Variants in RAB21 observed in about 807,000 individuals in gnomAD.
The protein encoded by RAB21 is ras-related protein Rab-21.
RAB21 carries 13 observed loss-of-function variants against 33.1 expected under a neutral mutation model. That is an observed-to-expected ratio of 0.39 (90% confidence interval 0.26 to 0.62). RAB21 has a LOEUF of 0.62. Among genes scored for constraint, RAB21 ranks in the 20% least tolerant of loss-of-function variants. The pLI is 0.48. For synonymous variants in RAB21, 91 were observed against 103.7 expected (o/e 0.88, Z 0.74); for missense variants, 234 against 279.1 (o/e 0.84, Z 1.15).
At chr12:71,771,621 CTGTT>C (rs1883043175) in intron 3 of RAB21, among the ~76,000 whole-genome samples, 1 of 152,114 alleles carries the variant, frequency 6.6e-6, no homozygotes, top group Admixed American at 6.6e-5. Context: ...TTTGGTGCTG[CTGTT>C]TGTTATCTCC....
In RAB21 at chr12:71,794,879, G is replaced by T. The variant is rs1883446724; in HGVS notation, c.*9206G>T. On this transcript the variant is annotated 3_prime_UTR_variant, in exon 7 of 7. Transcript: ENST00000261263. ...TTGAACCCAGGAGACGGAGGTTGCA[G>T]TGAGCAGACCTGGTGCCACTGGACT... 1 of 151,132 alleles carries T rather than the reference G, an allele frequency of 6.6e-6. No individual in the cohort carries two copies. Among genetic ancestry groups the T allele is most frequent in the African/African-American group, 2.4e-5 (1 of 41,180 alleles). The allele number at this position is 151,132 out of a possible 1,614,324, so 9.4% of individuals were successfully genotyped here.
At chr12:71,783,143 A>G (rs1592650438) in intron 6 of RAB21, among the ~76,000 whole-genome samples, 2 of 152,100 alleles carry the variant, frequency 1.3e-5, no homozygotes, top group African/African-American at 4.8e-5. Context: ...TTAAAGACAC[A>G]TTAAAATAAT....
intron 1 of RAB21, among the ~76,000 whole-genome samples, chr12:71,765,034 A>C (rs1882938706): frequency 6.6e-6 from 1 of 152,200 alleles, no homozygotes; most frequent in Non-Finnish European, 1.5e-5. Context: ...AGTAATCTCC[A>C]TACTGTTTTC....
In RAB21 at chr12:71,785,521, T is replaced by C. The variant is rs1423303179; in HGVS notation, c.536-10T>C. On this transcript the variant is annotated splice_polypyrimidine_tract_variant and intron_variant, in intron 6 of 6. Coordinates refer to ENST00000261263, the MANE Select transcript of RAB21 (RefSeq NM_014999.4). Reference sequence around the variant, plus strand: ...TGGTCCTAATAATGTTTGCTTTCTCTCTGTCTTAGGGATGATAGAAACAGC... The same window carrying C: ...TGGTCCTAATAATGTTTGCTTTCTCCCTGTCTTAGGGATGATAGAAACAGC... 1.2e-6 allele frequency: 2 copies of C among 1,613,332 alleles called. No individual in the cohort carries two copies. Among genetic ancestry groups the C allele is most frequent in the Non-Finnish European group, 1.7e-6 (2 of 1,179,590 alleles).
Position 71,791,904 on chromosome 12 carries a change from G to C in RAB21, c.*6231G>C, listed in dbSNP as rs75324784. 6.6e-6 allele frequency: 1 copy of C among 151,970 alleles called. No individual in the cohort carries two copies. The highest frequency in any genetic ancestry group is 1.5e-5 in the Non-Finnish European group (1 of 68,004). 9.4% of individuals were successfully genotyped at this position (151,970 alleles called of 1,614,324 possible). ...TTTTGAGACAGGGTCTTGCTTTGCC[G>C]CACAGACTAGAATGCAGTAGCATGA... On this transcript the variant is annotated 3_prime_UTR_variant, in exon 7 of 7. Coordinates refer to ENST00000261263, the MANE Select transcript of RAB21 (RefSeq NM_014999.4).
chr12:71,777,798 G>A lies in RAB21; in HGVS notation c.391+3776G>A, dbSNP rs531643207. ...CTCCTAGGTTTATTTTATTGTGTCA[G>A]TATGTCTCCCACACTTGGAAATAAA... is the stretch of plus-strand genomic sequence containing the variant. On this transcript the variant is annotated intron_variant, in intron 4 of 6. Transcript: ENST00000261263. Among the ~76,000 whole-genome samples, 6 of 152,178 alleles carry A rather than the reference G, an allele frequency of 3.9e-5. No individual in the cohort carries two copies. The South Asian group carries it at 8.3e-4, about 21-fold the overall frequency.
At position 71,788,637 on chromosome 12, in the gene RAB21, C is replaced by T. The variant is rs1429416194; in HGVS notation, c.*2964C>T. On this transcript the variant is annotated 3_prime_UTR_variant, in exon 7 of 7. Transcript: ENST00000261263. ...ATTAGGCAGAAGACACAAGTTACCACGTTGTGTATTAAAAGCAGTAGGTAG... is the reference window on the plus strand; with the variant it reads ...ATTAGGCAGAAGACACAAGTTACCATGTTGTGTATTAAAAGCAGTAGGTAG... 6.6e-6 allele frequency: 1 copy of T among 152,066 alleles called. No individual in the cohort carries two copies. The highest frequency in any genetic ancestry group is 2.4e-5 in the African/African-American group (1 of 41,414). The allele number at this position is 152,066 out of a possible 1,614,324, so 9.4% of individuals were successfully genotyped here.
chr12:71,793,931 G>A lies in RAB21; in HGVS notation c.*8258G>A, dbSNP rs1167622603. 1 of 152,254 alleles carries A rather than the reference G, an allele frequency of 6.6e-6. No homozygotes were observed. Among genetic ancestry groups the A allele is most frequent in the Non-Finnish European group, 1.5e-5 (1 of 68,090 alleles). 9.4% of individuals were successfully genotyped at this position (152,254 alleles called of 1,614,324 possible). A position where few individuals can be genotyped will look rare whatever the true frequency, so the allele number is the denominator to read the frequency against. On this transcript the variant is annotated 3_prime_UTR_variant, in exon 7 of 7. Transcript: ENST00000261263. ...CCCTTTCCAATCAAAAGTGTTAAAAGCTGGCTGGGAGCCATGGCTCATGCC... is the reference window on the plus strand; with the variant it reads ...CCCTTTCCAATCAAAAGTGTTAAAAACTGGCTGGGAGCCATGGCTCATGCC...
In RAB21 at chr12:71,790,746, A is replaced by G. The variant is rs1565899185; in HGVS notation, c.*5073A>G. 6.6e-6 allele frequency: 1 copy of G among 152,106 alleles called. No individual in the cohort carries two copies. Among genetic ancestry groups the G allele is most frequent in the Non-Finnish European group, 1.5e-5 (1 of 68,012 alleles). 9.4% of individuals were successfully genotyped at this position (152,106 alleles called of 1,614,324 possible). On this transcript the variant is annotated 3_prime_UTR_variant, in exon 7 of 7. Coordinates refer to ENST00000261263, the MANE Select transcript of RAB21 (RefSeq NM_014999.4). Reference sequence around the variant, plus strand: ...TTGTGGGTTTTAAATTTTCACATAAATTGTGTCTTACCCATGTGTTTTGCC... The same window carrying G: ...TTGTGGGTTTTAAATTTTCACATAAGTTGTGTCTTACCCATGTGTTTTGCC...
intron 1 of RAB21, among the ~76,000 whole-genome samples, chr12:71,768,174 G>A (rs1882988930): frequency 6.6e-6 from 1 of 152,060 alleles, no homozygotes; most frequent in Non-Finnish European, 1.5e-5. Context: ...AGACATACAT[G>A]GGTTTGAACC....
rs186691572 is a variant in RAB21, at chr12:71,779,924, T to C, written c.392-2107T>C. Among the ~76,000 whole-genome samples, 40 of 152,282 alleles carry C rather than the reference T, an allele frequency of 2.6e-4. No homozygotes were observed. In the East Asian group the frequency reaches 7.5e-3, roughly 29 times the overall value. On this transcript the variant is annotated intron_variant, in intron 4 of 6. Transcript: ENST00000261263. The stretch of plus-strand genomic sequence containing the variant: ...CTTGCTTTTGAAAAAATATAGAAAC[T>C]AAAAGGGTTTTTGAGCTTTGGAAAG...
At chr12:71,777,361 T>G (rs983414050) in intron 4 of RAB21, among the ~76,000 whole-genome samples, 6 of 152,242 alleles carry the variant, frequency 3.9e-5, no homozygotes, top group Non-Finnish European at 7.3e-5. Context: ...TTCCTTTATG[T>G]TGTATATAGT....
At position 71,788,688 on chromosome 12, in the gene RAB21, T is replaced by G. The variant is rs1431435233; in HGVS notation, c.*3015T>G. On this transcript the variant is annotated 3_prime_UTR_variant, in exon 7 of 7. Transcript: ENST00000261263. The stretch of plus-strand genomic sequence containing the variant: ...GTTGTGCCAGTATTTTTTCAGCCAG[T>G]AAGCATATACAGTTAACTTATATAA... 6.6e-6 allele frequency: 1 copy of G among 152,196 alleles called. No homozygotes were observed. The highest frequency in any genetic ancestry group is 1.5e-5 in the Non-Finnish European group (1 of 68,014). The allele number at this position is 152,196 out of a possible 1,614,324, so 9.4% of individuals were successfully genotyped here.
At chr12:71,768,235 C>T (rs1319682528) in intron 1 of RAB21, among the ~76,000 whole-genome samples, 1 of 152,134 alleles carries the variant, frequency 6.6e-6, no homozygotes, top group African/African-American at 2.4e-5. Flanking sequence ...ATCACTACAT[C>T]CAGTGGCCTT....
chr12:71,778,854 C>T (rs575051487), intron 4 of RAB21, among the ~76,000 whole-genome samples: 3 of 152,134 alleles, frequency 2.0e-5, no homozygotes, highest in Admixed American at 6.5e-5. Context: ...TGGTAGAGTG[C>T]GTTACCTGCA....
chr12:71,774,859 G>A (rs1222466952), intron 4 of RAB21, among the ~76,000 whole-genome samples: 1 of 150,964 alleles, frequency 6.6e-6, no homozygotes, highest in Non-Finnish European at 1.5e-5. Context: ...CTAAACAGTT[G>A]GGGCTTCAAG....
intron 4 of RAB21, among the ~76,000 whole-genome samples, chr12:71,777,374 T>A (rs1883137190): frequency 1.3e-5 from 2 of 152,238 alleles, no homozygotes; most frequent in African/African-American, 2.4e-5. Context: ...TATATAGTTG[T>A]TCATTTTATT....
chr12:71,774,803 C>T (rs1173941532), intron 4 of RAB21, among the ~76,000 whole-genome samples: 2 of 151,154 alleles, frequency 1.3e-5, no homozygotes, highest in African/African-American at 4.9e-5. Flanking sequence ...AGTGATTTTC[C>T]AGGAGATTCA....
intron 4 of RAB21, among the ~76,000 whole-genome samples, chr12:71,777,265 T>C (rs1883134984): frequency 6.6e-6 from 1 of 152,222 alleles, no homozygotes. Flanking sequence ...TGAATTAGTT[T>C]TGTTTTGAAT....
Sources: allele counts gnomAD v4.1 joint callset (sites outside exome capture counted in the v4.1 genomes callset), GRCh38; gene constraint gnomAD v4.1.1; transcripts MANE v1.5; gene names NCBI Gene and HGNC (gene_info 2026-07-23, HGNC 2026-07-21).